RAB3GAP1: variants seen among roughly 807,000 people sequenced by gnomAD.
The protein encoded by RAB3GAP1 is rab3 GTPase-activating protein catalytic subunit.
Under a neutral mutation model 130.7 loss-of-function variants are expected in RAB3GAP1, and 86 were observed. The ratio of observed to expected loss-of-function variants is 0.66; its 90% CI spans 0.55 to 0.79. RAB3GAP1 has a LOEUF of 0.79. Ranked by LOEUF, RAB3GAP1 falls within the 30% of genes least tolerant of loss-of-function variation. RAB3GAP1 has a pLI of 0.00. For missense variants in RAB3GAP1, 1,029 were observed against 1,169.4 expected, an observed-to-expected ratio of 0.88 and a Z score of 1.75; for synonymous variants, 367 against 401.7, an observed-to-expected ratio of 0.91 and a Z score of 1.03.
At chr2:135,156,702 G>T (rs970974093) in intron 19 of RAB3GAP1, among the ~76,000 whole-genome samples, 1 of 152,130 alleles carries the variant, frequency 6.6e-6, no homozygotes, top group Non-Finnish European at 1.5e-5. Context: ...AGCCTTAGGG[G>T]TCACTAAGGT....
At chr2:135,065,750 A>T (rs1689301601) in intron 3 of RAB3GAP1, among the ~76,000 whole-genome samples, 3 of 151,286 alleles carry the variant, frequency 2.0e-5, no homozygotes. Flanking sequence ...AAAATTTCTA[A>T]TACGGGATCT....
intron 19 of RAB3GAP1, among the ~76,000 whole-genome samples, chr2:135,156,454 T>C (rs1692314057): frequency 1.3e-5 from 2 of 152,152 alleles, no homozygotes; most frequent in African/African-American, 2.4e-5. Flanking sequence ...GACTCTAATA[T>C]CATTTTAAGA....
chr2:135,083,288 G>C (rs1484055000), intron 3 of RAB3GAP1, among the ~76,000 whole-genome samples: 2 of 152,072 alleles, frequency 1.3e-5, no homozygotes, highest in African/African-American at 4.8e-5. Context: ...ATCGCATTAA[G>C]TTTTTGTGTG....
Position 135,161,891 on chromosome 2 carries a change from A to T in RAB3GAP1, c.2290-664A>T, listed in dbSNP as rs189258229. On this transcript the variant is annotated intron_variant, in intron 19 of 23. Coordinates refer to ENST00000264158, the MANE Select transcript of RAB3GAP1 (RefSeq NM_012233.3). ...TTTCTGCATCACCTGTATTTTTTTT[A>T]AAATTTTGAAATCCATGAGCATTTA... is the stretch of plus-strand genomic sequence containing the variant. Among the ~76,000 whole-genome samples, 119 of 152,238 alleles carry T rather than the reference A, an allele frequency of 7.8e-4. 2 individuals carry two copies. The East Asian group carries it at 0.015, about 19-fold the overall frequency.
At chr2:135,173,559 C>T (rs1233005548), downstream of RAB3GAP1, among the ~76,000 whole-genome samples, 2 of 152,158 alleles carry the variant, frequency 1.3e-5, no homozygotes, top group East Asian at 3.9e-4. Flanking sequence ...GAGGCAAATA[C>T]TTCTTACTGG....
Position 135,058,056 on chromosome 2 carries a change from T to G in RAB3GAP1, c.120T>G (p.Ile40Met), listed in dbSNP as rs1689064407. 3.7e-6 allele frequency: 6 copies of G among 1,613,110 alleles called. No homozygotes were observed. Among genetic ancestry groups the G allele is most frequent in the Non-Finnish European group, 5.1e-6 (6 of 1,179,196 alleles). ...AAGTCTTGAATGACTGGAAACTGAT[T>G]GGAAACTCTTTGGGAAAGCCACTCG... is the stretch of plus-strand genomic sequence containing the variant. ...VEEVLNDWKL[I>M]GNSLGKPLEK... Residue 40 changes from isoleucine (I) to methionine (M), a missense_variant, in exon 3 of 24, where the codon ATT becomes ATG. Ile to Met is a conservative substitution (Grantham distance 10). This residue lies in a region of RAB3GAP1 where 510 missense variants were observed against 532.1 expected (regional missense o/e 0.96). Coordinates refer to ENST00000264158, the MANE Select transcript of RAB3GAP1 (RefSeq NM_012233.3).
chr2:135,121,030 T>C, intron 8 of RAB3GAP1, 112 bp downstream of exon 8: 1 of 837,680 alleles, frequency 1.2e-6, no homozygotes, highest in South Asian at 1.4e-5. Flanking sequence ...TTAGAAATAT[T>C]TGTGATTCAT....
chr2:135,139,056 G>A lies in RAB3GAP1; in HGVS notation c.1923+3124G>A, dbSNP rs555592047. Among the ~76,000 whole-genome samples the A allele has an allele frequency of 4.6e-5, 7 of 152,120 alleles. 1 individual carries two copies. Among genetic ancestry groups the A allele is most frequent in the South Asian group, 2.1e-4 (1 of 4,810 alleles). ...GCATCTTTTAATATGTTCGTTAGCCGTCCTTTCCTGTGAATCGCCTATGAT... is the reference window on the plus strand; with the variant it reads ...GCATCTTTTAATATGTTCGTTAGCCATCCTTTCCTGTGAATCGCCTATGAT... On this transcript the variant is annotated intron_variant, in intron 17 of 23. Coordinates refer to ENST00000264158, the MANE Select transcript of RAB3GAP1 (RefSeq NM_012233.3).
chr2:135,083,081 T>G (rs1056391940), intron 3 of RAB3GAP1, among the ~76,000 whole-genome samples: 9 of 147,446 alleles, frequency 6.1e-5, no homozygotes, highest in African/African-American at 2.0e-4. Context: ...TGTATTGATG[T>G]TTTTTTTTTT....
Position 135,155,075 on chromosome 2 carries a change from T to C in RAB3GAP1, c.2289+1199T>C, listed in dbSNP as rs115345228. ...CACAAAGCAGAAGAAAATTGTAACA[T>C]AACATTCCAAACTGAATCAGATATC... On this transcript the variant is annotated intron_variant, in intron 19 of 23. Coordinates refer to ENST00000264158, the MANE Select transcript of RAB3GAP1 (RefSeq NM_012233.3). Among the ~76,000 whole-genome samples the C allele has an allele frequency of 1.0e-2, 1,519 of 152,140 alleles. 23 individuals carry two copies. The highest frequency in any genetic ancestry group is 0.035 in the African/African-American group (1,446 of 41,526).
intron 3 of RAB3GAP1, among the ~76,000 whole-genome samples, chr2:135,088,455 G>A (rs1297245711): frequency 6.6e-6 from 1 of 152,052 alleles, no homozygotes; most frequent in African/African-American, 2.4e-5. Flanking sequence ...TTGGGAGGCT[G>A]AGGTGGGCAG....
chr2:135,117,561 TCTTCTTCTGCTTCTTCTTCTG>T (rs1558784354), intron 7 of RAB3GAP1, among the ~76,000 whole-genome samples: 3 of 148,032 alleles, frequency 2.0e-5, no homozygotes, highest in East Asian at 4.0e-4. Flanking sequence ...TTCTTCTGCT[TCTTCTTCTGCTTCTTCTTCTG>T]CTTCTTCTTC....
At chr2:135,083,701 G>T (rs1051662329) in intron 3 of RAB3GAP1, among the ~76,000 whole-genome samples, 1 of 147,732 alleles carries the variant, frequency 6.8e-6, no homozygotes, top group Non-Finnish European at 1.5e-5. Flanking sequence ...TTGGCCTCAA[G>T]CAATCCTCCT....
intron 5 of RAB3GAP1, among the ~76,000 whole-genome samples, chr2:135,109,275 A>G (rs186833836): frequency 3.9e-5 from 6 of 152,272 alleles, no homozygotes; most frequent in Admixed American, 3.9e-4. Context: ...AAGAACTAAT[A>G]TCTTGATAAT....
chr2:135,093,475 A>C (rs1690203652), intron 4 of RAB3GAP1, 140 bp from the exon 5 acceptor site: 1 of 679,360 alleles, frequency 1.5e-6, no homozygotes, highest in Admixed American at 2.2e-5. Flanking sequence ...CCCTGTACTC[A>C]AGAGCTATCT....
At chr2:135,154,952 A>G (rs988362272) in intron 19 of RAB3GAP1, among the ~76,000 whole-genome samples, 3 of 152,220 alleles carry the variant, frequency 2.0e-5, no homozygotes, top group Non-Finnish European at 2.9e-5. Flanking sequence ...TACTAGGAAT[A>G]GAAGAGAACA....
intron 3 of RAB3GAP1, among the ~76,000 whole-genome samples, chr2:135,075,472 G>T (rs1689605331): frequency 6.6e-6 from 1 of 151,994 alleles, no homozygotes; most frequent in Non-Finnish European, 1.5e-5. Flanking sequence ...ATGTTTGCAA[G>T]ATAGAACATA....
chr2:135,059,526 G>T (rs1689110705), intron 3 of RAB3GAP1, among the ~76,000 whole-genome samples: 1 of 152,008 alleles, frequency 6.6e-6, no homozygotes, highest in Non-Finnish European at 1.5e-5. Context: ...ATTGATATAT[G>T]ATAGATGTAC....
At chr2:135,091,376 A>C (rs952716864) in intron 4 of RAB3GAP1, among the ~76,000 whole-genome samples, 1 of 152,174 alleles carries the variant, frequency 6.6e-6, no homozygotes, top group South Asian at 2.1e-4. Flanking sequence ...CCTACATTCC[A>C]GTAGGGAAGA....
Sources: gnomAD v4.1 joint callset for allele counts (sites outside exome capture counted in the v4.1 genomes callset) on GRCh38, gnomAD v4.1.1 for gene constraint, gnomAD v4.1.1 regional missense constraint, MANE v1.5 for transcripts, NCBI Gene and HGNC (gene_info 2026-07-23, HGNC 2026-07-21) for gene names.